The following RARS1 variants were observed in gnomAD, a reference collection of about 807,000 sequenced individuals.
RARS1 encodes arginyl-tRNA synthetase 1.
In RARS1, 75 loss-of-function variants were observed where a neutral mutation model predicts 78.7. The observed-to-expected ratio is 0.95, with a 90% CI of 0.79 to 1.15. The LOEUF is 1.15. Among genes scored for constraint, RARS1 ranks in the 50% most tolerant of loss-of-function variants. The pLI, the probability that RARS1 is intolerant of heterozygous loss-of-function variation, is 0.00. For synonymous variants in RARS1, 273 were observed against 268.2 expected, an observed-to-expected ratio of 1.02 and a Z score of -0.18; for missense variants, 787 against 787.5, an observed-to-expected ratio of 1.00 and a Z score of 0.01.
chr5:168,490,344 A>C (rs958202259), intron 2 of RARS1, among the ~76,000 whole-genome samples: 3 of 152,128 alleles, frequency 2.0e-5, no homozygotes, highest in African/African-American at 7.2e-5. Context: ...TATGTGCTAG[A>C]GACTATAAGG....
intron 9 of RARS1, among the ~76,000 whole-genome samples, chr5:168,504,701 T>A (rs1758401726): frequency 6.6e-6 from 1 of 151,554 alleles, no homozygotes; most frequent in African/African-American, 2.4e-5. Context: ...GGCAGGTGCC[T>A]GTATTCCCAG....
At chr5:168,510,785 C>T in intron 12 of RARS1, 99 bp downstream of exon 12, 1 of 745,780 alleles carries the variant, frequency 1.3e-6, no homozygotes. Context: ...GGAGTCAGTC[C>T]CACCTAGGAC....
intron 3 of RARS1, 119 bp from the exon 4 acceptor site, chr5:168,493,775 C>A: frequency 1.4e-6 from 1 of 727,426 alleles, no homozygotes; most frequent in Non-Finnish European, 2.3e-6. Flanking sequence ...TTGGACTTCT[C>A]TGCTTCTGCC....
At chr5:168,518,990 C>G (rs1758730032) in intron 14 of RARS1, 91 bp from the exon 15 acceptor site, 2 of 1,070,646 alleles carry the variant, frequency 1.9e-6, no homozygotes, top group Non-Finnish European at 2.8e-6. Flanking sequence ...CTATGCACTT[C>G]TAACTAAAAT....
intron 9 of RARS1, among the ~76,000 whole-genome samples, chr5:168,502,382 A>ATTTTTTTTTTTTTTTT (rs376556548): frequency 4.2e-5 from 5 of 119,404 alleles, no homozygotes; most frequent in African/African-American, 1.8e-4. Context: ...ATATATATAT[A>ATTTTTTTTTTTTTTTT]TATTTTTTTT....
At chr5:168,495,200 A>G in intron 5 of RARS1, 115 bp from the exon 6 acceptor site, 2 of 1,436,046 alleles carry the variant, frequency 1.4e-6, no homozygotes, top group Non-Finnish European at 1.8e-6. Context: ...GTTTGTTATT[A>G]AATGTGTTAT....
At chr5:168,507,730 C>CT (rs900712313) in intron 11 of RARS1, among the ~76,000 whole-genome samples, 20 of 152,236 alleles carry the variant, frequency 1.3e-4, no homozygotes, top group African/African-American at 4.1e-4. Context: ...TGGATCTGCG[C>CT]TTTTTTGAAA....
At chr5:168,494,788 G>C (rs1321691224) in intron 5 of RARS1, 138 bp downstream of exon 5, 5 of 645,132 alleles carry the variant, frequency 7.8e-6, no homozygotes, top group African/African-American at 1.8e-5. Flanking sequence ...TCAAGGCTGA[G>C]GTGTGCTGTG....
At chr5:168,490,368 A>G (rs1457475554) in intron 2 of RARS1, among the ~76,000 whole-genome samples, 2 of 152,234 alleles carry the variant, frequency 1.3e-5, no homozygotes, top group East Asian at 1.9e-4. Flanking sequence ...AAGATACAAA[A>G]GGAAGTACAG....
At chr5:168,509,026 C>T (rs573806380) in intron 11 of RARS1, among the ~76,000 whole-genome samples, 2 of 151,840 alleles carry the variant, frequency 1.3e-5, no homozygotes, top group Non-Finnish European at 1.5e-5. Context: ...TATTCAGATA[C>T]GCATCCCTCA....
At chr5:168,492,436 G>A (rs1758104807) in intron 2 of RARS1, among the ~76,000 whole-genome samples, 1 of 152,168 alleles carries the variant, frequency 6.6e-6, no homozygotes, top group South Asian at 2.1e-4. Context: ...AATGCAAAAA[G>A]TAAGACCTCA....
At chr5:168,495,165 G>T (rs545014504) in intron 5 of RARS1, 150 bp from the exon 6 acceptor site, 6 of 1,304,288 alleles carry the variant, frequency 4.6e-6, no homozygotes, top group African/African-American at 1.5e-5. Context: ...GTTGAATTAC[G>T]GCCCAAATTA....
chr5:168,500,903 C>G (rs951215296), intron 8 of RARS1, among the ~76,000 whole-genome samples, 183 bp downstream of exon 8: 1 of 151,916 alleles, frequency 6.6e-6, no homozygotes, highest in Non-Finnish European at 1.5e-5. Flanking sequence ...CAGGCAGGTT[C>G]AAATCTTAAC....
intron 13 of RARS1, among the ~76,000 whole-genome samples, chr5:168,517,441 C>G (rs939492133): frequency 1.1e-4 from 16 of 152,294 alleles, no homozygotes; most frequent in Non-Finnish European, 1.6e-4. Flanking sequence ...TCACGCTCAG[C>G]CTAAAGTGTT....
intron 12 of RARS1, among the ~76,000 whole-genome samples, chr5:168,512,326 C>A (rs942555274): frequency 1.3e-5 from 2 of 152,024 alleles, no homozygotes; most frequent in African/African-American, 4.8e-5. Flanking sequence ...TGTGCTTTTT[C>A]TTTCGGATAT....
At chr5:168,502,384 A>ATTTTTTTTTTTTTT (rs759302320) in intron 9 of RARS1, among the ~76,000 whole-genome samples, 70 of 127,216 alleles carry the variant, frequency 5.5e-4, no homozygotes, top group African/African-American at 2.1e-3. Flanking sequence ...ATATATATAT[A>ATTTTTTTTTTTTTT]TTTTTTTTTT....
chr5:168,517,462 T>C (rs531111219), intron 13 of RARS1, among the ~76,000 whole-genome samples: 1 of 152,172 alleles, frequency 6.6e-6, no homozygotes, highest in African/African-American at 2.4e-5. Flanking sequence ...CTTTTCAGAC[T>C]TATTTTTCTG....
intron 11 of RARS1, among the ~76,000 whole-genome samples, chr5:168,508,791 C>T (rs1758503951): frequency 6.6e-6 from 1 of 151,688 alleles, no homozygotes; most frequent in Non-Finnish European, 1.5e-5. Flanking sequence ...CCTTGTACAT[C>T]TGTTTATTGA....
intron 3 of RARS1, 52 bp downstream of exon 3, chr5:168,492,899 C>A (rs1330928159): frequency 2.2e-6 from 3 of 1,351,036 alleles, no homozygotes; most frequent in Non-Finnish European, 3.1e-6. Flanking sequence ...GTATTATTAT[C>A]ATCATTGCCA....
Sources: gnomAD v4.1 joint callset for allele counts (sites outside exome capture counted in the v4.1 genomes callset) on GRCh38, gnomAD v4.1.1 for gene constraint, MANE v1.5 for transcripts, NCBI Gene and HGNC (gene_info 2026-07-23, HGNC 2026-07-21) for gene names.